CPNE4: variants seen among roughly 807,000 people sequenced by gnomAD.
CPNE4 encodes the protein copine 4.
CPNE4 carries 25 observed loss-of-function variants against 67.9 expected under a neutral mutation model. The ratio of observed to expected loss-of-function variants is 0.37; its 90% CI spans 0.27 to 0.51. The LOEUF is 0.51. CPNE4 is among the 20% of genes least tolerant of loss of function. The pLI, the probability that CPNE4 is intolerant of heterozygous loss-of-function variation, is 0.93. For missense variants in CPNE4, 464 were observed against 690.8 expected (o/e 0.67, Z 3.68); for synonymous variants, 242 against 244.9 (o/e 0.99, Z 0.11).
chr3:131,684,843 G>A (rs138999620), intron 6 of CPNE4, among the ~76,000 whole-genome samples: 7 of 152,110 alleles, frequency 4.6e-5, no homozygotes, highest in Non-Finnish European at 7.4e-5. Flanking sequence ...AATGGAGATC[G>A]TGGTTAGTTG....
chr3:131,841,172 A>G (rs2085767291), intron 2 of CPNE4, among the ~76,000 whole-genome samples: 1 of 152,164 alleles, frequency 6.6e-6, no homozygotes, highest in South Asian at 2.1e-4. Context: ...AAGGATAGGG[A>G]ATCAATGTTT....
intron 2 of CPNE4, among the ~76,000 whole-genome samples, chr3:131,818,600 A>G (rs982221698): frequency 6.6e-6 from 1 of 152,210 alleles, no homozygotes; most frequent in Admixed American, 6.5e-5. Flanking sequence ...CTTAGACTCT[A>G]TGCCTAACCT....
At chr3:132,037,651 C>A, upstream of CPNE4, 2 of 1,507,746 alleles carry the variant, frequency 1.3e-6, no homozygotes, top group Non-Finnish European at 8.9e-7. Context: ...TCACTGTGGC[C>A]CTGGTGTTCC....
At chr3:131,799,209 TG>T (rs2084004471) in intron 2 of CPNE4, among the ~76,000 whole-genome samples, 1 of 152,132 alleles carries the variant, frequency 6.6e-6, no homozygotes, top group African/African-American at 2.4e-5. Flanking sequence ...CACAATTAGC[TG>T]GGCAAGGACA....
At chr3:131,608,059 A>C (rs1939610490) in intron 7 of CPNE4, among the ~76,000 whole-genome samples, 1 of 152,182 alleles carries the variant, frequency 6.6e-6, no homozygotes, top group Non-Finnish European at 1.5e-5. Context: ...CCAAGAAAAT[A>C]ACTTGTTTAT....
At chr3:131,793,466 C>A (rs2083834890) in intron 2 of CPNE4, among the ~76,000 whole-genome samples, 1 of 152,144 alleles carries the variant, frequency 6.6e-6, no homozygotes, top group African/African-American at 2.4e-5. Context: ...ACAAGATCAA[C>A]AACAGCAGCA....
At chr3:131,740,336 A>T (rs1308919437) in intron 2 of CPNE4, among the ~76,000 whole-genome samples, 3 of 152,202 alleles carry the variant, frequency 2.0e-5, no homozygotes, top group Admixed American at 1.3e-4. Context: ...GTTTTAAATA[A>T]AATATATGAA....
intron 2 of CPNE4, among the ~76,000 whole-genome samples, chr3:131,785,927 A>G (rs2083550085): frequency 6.6e-6 from 1 of 152,150 alleles, no homozygotes; most frequent in Non-Finnish European, 1.5e-5. Flanking sequence ...ATAAATCAGA[A>G]CTATGTTAAG....
Position 131,696,582 on chromosome 3 carries a change from T to G in CPNE4, c.467A>C (p.Tyr156Ser). The G allele has an allele frequency of 6.2e-7, 1 of 1,614,068 alleles. No individual in the cohort carries two copies. The highest frequency in any genetic ancestry group is 8.5e-7 in the Non-Finnish European group (1 of 1,179,940). ...CCGTGCATTGAATGCAAGCTCAACA[T>G]AGTCGTCATTGCCAGATAATTCTTC... is the stretch of plus-strand genomic sequence containing the variant. ...IAEELSGNDD[Y>S]VELAFNARKL... The change falls in exon 5 of 16, where the codon TAT becomes TCT. Residue 156 changes from tyrosine (Y) to serine (S), a missense_variant. Transcript: ENST00000429747.
At chr3:131,642,747 G>A (rs890543900) in intron 7 of CPNE4, among the ~76,000 whole-genome samples, 1 of 152,066 alleles carries the variant, frequency 6.6e-6, no homozygotes, top group Non-Finnish European at 1.5e-5. Context: ...TCCCTTTGCC[G>A]CCATGTGAGG....
chr3:131,771,965 T>C (rs1046044091), intron 2 of CPNE4, among the ~76,000 whole-genome samples: 2 of 152,158 alleles, frequency 1.3e-5, no homozygotes, highest in Non-Finnish European at 2.9e-5. Context: ...ACATTTACAC[T>C]GAGTTCAATT....
chr3:131,662,817 A>T (rs2080161269), intron 7 of CPNE4, among the ~76,000 whole-genome samples: 1 of 152,198 alleles, frequency 6.6e-6, no homozygotes, highest in East Asian at 1.9e-4. Context: ...GAAACAACAG[A>T]TGCTGGTGAG....
chr3:131,718,123 T>C (rs1042114205), intron 3 of CPNE4, among the ~76,000 whole-genome samples: 3 of 151,862 alleles, frequency 2.0e-5, no homozygotes, highest in African/African-American at 7.3e-5. Flanking sequence ...GCCTTTCAAG[T>C]AGCTGGAATT....
intron 2 of CPNE4, among the ~76,000 whole-genome samples, chr3:131,888,670 A>G (rs948493616): frequency 1.3e-5 from 2 of 152,180 alleles, no homozygotes; most frequent in African/African-American, 4.8e-5. Flanking sequence ...GGTTATCAGT[A>G]TGGCTTCTCT....
At chr3:131,625,238 T>A (rs1203779302) in intron 7 of CPNE4, among the ~76,000 whole-genome samples, 1 of 152,208 alleles carries the variant, frequency 6.6e-6, no homozygotes, top group African/African-American at 2.4e-5. Context: ...TAAAGAAACA[T>A]CCAAACTCTA....
intron 2 of CPNE4, among the ~76,000 whole-genome samples, chr3:131,731,497 A>G (rs991492012): frequency 6.6e-6 from 1 of 151,844 alleles, no homozygotes; most frequent in Non-Finnish European, 1.5e-5. Flanking sequence ...TCTCAGCTAC[A>G]TCTTCCAGTG....
intron 2 of CPNE4, among the ~76,000 whole-genome samples, chr3:131,799,746 G>A (rs1239055925): frequency 6.6e-6 from 1 of 152,124 alleles, no homozygotes; most frequent in African/African-American, 2.4e-5. Flanking sequence ...TGACAATTCA[G>A]TGGCCTCCAT....
At position 131,629,076 on chromosome 3, in the gene CPNE4, TC is replaced by T. The variant is rs572971032; in HGVS notation, c.681+40598del. Among the ~76,000 whole-genome samples, 1,028 of 152,332 alleles carry T rather than the reference TC, an allele frequency of 6.7e-3. 11 individuals carry two copies. Among genetic ancestry groups the T allele is most frequent in the African/African-American group, 0.024 (983 of 41,580 alleles). ...CCCTCTACACACTGCTTTAAATGTG[TC>T]CCAGAGATTCTGGTATGTTGTGTCT... On this transcript the variant is annotated intron_variant, in intron 7 of 15. Transcript: ENST00000429747.
At chr3:131,864,293 A>T (rs201566971) in intron 2 of CPNE4, among the ~76,000 whole-genome samples, 3 of 150,784 alleles carry the variant, frequency 2.0e-5, no homozygotes, top group African/African-American at 7.2e-5. Context: ...AAATTACCTT[A>T]GGCAGTATGG....
Sources: allele counts gnomAD v4.1 joint callset (sites outside exome capture counted in the v4.1 genomes callset), GRCh38; gene constraint gnomAD v4.1.1; transcripts MANE v1.5; gene names NCBI Gene and HGNC (gene_info 2026-07-23, HGNC 2026-07-21).